Variants in FOXH1 observed in about 807,000 individuals in gnomAD.
The protein encoded by FOXH1 is forkhead box H1.
Under a neutral mutation model 14.2 loss-of-function variants are expected in FOXH1, and 10 were observed. The observed-to-expected ratio is 0.70, with a 90% CI of 0.43 to 1.19. The LOEUF (loss-of-function observed/expected upper bound fraction) is 1.19, where lower values mean the gene tolerates loss of function less well. Ranked by LOEUF, FOXH1 falls within the 50% of genes most tolerant of loss-of-function variation. The pLI is 0.00. For synonymous variants in FOXH1, 273 were observed against 209.5 expected, an observed-to-expected ratio of 1.30 and a Z score of -2.62; for missense variants, 643 against 492.1, an observed-to-expected ratio of 1.31 and a Z score of -2.90.
At position 144,474,887 on chromosome 8, in the gene FOXH1, T is replaced by C; in HGVS notation, c.449A>G (p.His150Arg). Residue 150 changes from histidine to arginine, a missense_variant, in exon 3 of 3, where the codon CAC becomes CGC. His to Arg is a conservative substitution (Grantham distance 29, BLOSUM62 0). Transcript: ENST00000377317. ...ACTGGGCGGCCGGTATGGCCGGCCG[T>C]GCAGCACGTAGGGGCCCAGGTCCTT... ...FAKDLGPYVL[H>R]GRPYRPPSPP... 1 of 1,610,702 alleles carries C rather than the reference T, an allele frequency of 6.2e-7. No homozygotes were observed. The highest frequency in any genetic ancestry group is 8.5e-7 in the Non-Finnish European group (1 of 1,179,660).
Position 144,473,745 on chromosome 8 carries a change from A to C in FOXH1, c.*493T>G. ...TCAGGCATGGCATTAAAACGTTGCA[A>C]ATTCCTTTACTGTTATCCCCCCCAC... is the stretch of plus-strand genomic sequence containing the variant. On this transcript the variant is annotated 3_prime_UTR_variant, in exon 3 of 3. Transcript: ENST00000377317. 1 of 412,482 alleles carries C rather than the reference A, an allele frequency of 2.4e-6. No individual in the cohort carries two copies. The highest frequency in any genetic ancestry group is 4.3e-6 in the Non-Finnish European group (1 of 232,524). 25.6% of individuals were successfully genotyped at this position (412,482 alleles called of 1,614,324 possible). A position where few individuals can be genotyped will look rare whatever the true frequency, so the allele number is the denominator to read the frequency against.
chr8:144,475,632 A>G lies in FOXH1; in HGVS notation c.125T>C (p.Ile42Thr), dbSNP rs1825127156. 15 of 1,440,782 alleles carry G rather than the reference A, an allele frequency of 1.0e-5. No homozygotes were observed. The highest frequency in any genetic ancestry group is 1.4e-5 in the Non-Finnish European group (15 of 1,093,860). 89.2% of individuals were successfully genotyped at this position (1,440,782 alleles called of 1,614,324 possible). The change falls in exon 1 of 3, where the codon ATC becomes ACC. Residue 42 changes from isoleucine (I) to threonine (T), a missense_variant. Coordinates refer to ENST00000377317, the MANE Select transcript of FOXH1 (RefSeq NM_003923.3). ...DKPPYTYLAM[I>T]ALVIQAAPSR... ...GGGAGCGGCCTGAATCACCAAGGCG[A>G]TCATGGCCAAGTAGGTGTAGGGGGG...
Position 144,475,275 on chromosome 8 carries a change from GCGGC to G in FOXH1, c.175-18_175-15del. 6.2e-7 allele frequency: 1 copy of G among 1,606,326 alleles called. No individual in the cohort carries two copies. Among genetic ancestry groups the G allele is most frequent in the Admixed American group, 1.7e-5 (1 of 59,464 alleles). On this transcript the variant is annotated splice_polypyrimidine_tract_variant and intron_variant, in intron 1 of 2. Coordinates refer to ENST00000377317, the MANE Select transcript of FOXH1 (RefSeq NM_003923.3). ...CTGACGGATGATCTGAAACCGCCAG[GCGGC>G]CGGCCGGCGCCGTGAGCCCAGACGG...
At position 144,475,751 on chromosome 8, in the gene FOXH1, C is replaced by T. The variant is rs1213772350; in HGVS notation, c.6G>A (p.Gly2=). 2.1e-6 allele frequency: 3 copies of T among 1,408,012 alleles called. No homozygotes were observed. Among genetic ancestry groups the T allele is most frequent in the Non-Finnish European group, 2.8e-6 (3 of 1,080,228 alleles). 87.2% of individuals were successfully genotyped at this position (1,408,012 alleles called of 1,614,324 possible). A position where few individuals can be genotyped will look rare whatever the true frequency, so the allele number is the denominator to read the frequency against. M[G]PCSGSRLGPP... ...GCCCCAGGCGGGAGCCGCTGCAGGG[C>T]CCCATGCGGGACGGTAGACAGCGTG... The change falls in exon 1 of 3, where the codon GGG becomes GGA. Residue 2 remains glycine (G), a synonymous_variant. Coordinates refer to ENST00000377317, the MANE Select transcript of FOXH1 (RefSeq NM_003923.3).
At position 144,474,979 on chromosome 8, in the gene FOXH1, C is replaced by G. The variant is rs1216073688; in HGVS notation, c.357G>C (p.Ala119=). 1.2e-6 allele frequency: 2 copies of G among 1,607,464 alleles called. No individual in the cohort carries two copies. Among genetic ancestry groups the G allele is most frequent in the East Asian group, 2.2e-5 (1 of 44,618 alleles). Residue 119 remains alanine, a synonymous_variant, in exon 3 of 3, where the codon GCG becomes GCC. Transcript: ENST00000377317. ...ACAGGGCGGTGTTCTGCAGCCGGAG[C>G]GCCTCAGCTGGGATCAGGCTCACGT... The part of the protein sequence containing the change: ...AVDVSLIPAE[A]LRLQNTALCR...
Position 144,473,981 on chromosome 8 carries a change from A to C in FOXH1, c.*257T>G, listed in dbSNP as rs1315026924. ...TGAGAAGAGGGGACTAGGAAGGGCT[A>C]TTCCAGGCTCAGCCCTGCTCCTGCA... On this transcript the variant is annotated 3_prime_UTR_variant, in exon 3 of 3. Coordinates refer to ENST00000377317, the MANE Select transcript of FOXH1 (RefSeq NM_003923.3). 6 of 543,888 alleles carry C rather than the reference A, an allele frequency of 1.1e-5. No individual in the cohort carries two copies. Among genetic ancestry groups the C allele is most frequent in the Non-Finnish European group, 2.0e-5 (6 of 307,048 alleles). The allele number at this position is 543,888 out of a possible 1,614,324, so 33.7% of individuals were successfully genotyped here.
Position 144,475,702 on chromosome 8 carries a change from G to C in FOXH1, c.55C>G (p.Gln19Glu). ...CTCTTCTTCCTCCTCTTAGGGGGCT[G>C]GGAGGGCGACTCTGCCTCTGGGGGC... Reference protein sequence around the residue: ...LGPPEAESPSQPPKRRKKRYL... With the variant: ...LGPPEAESPSEPPKRRKKRYL... Residue 19 changes from glutamine to glutamate, a missense_variant, in exon 1 of 3, where the codon CAG becomes GAG. Physicochemically the swap from Gln to Glu is conservative, Grantham distance 29. Transcript: ENST00000377317. 7.0e-7 allele frequency: 1 copy of C among 1,423,720 alleles called. No individual in the cohort carries two copies. Among genetic ancestry groups the C allele is most frequent in the Non-Finnish European group, 9.2e-7 (1 of 1,087,814 alleles). The allele number at this position is 1,423,720 out of a possible 1,614,324, so 88.2% of individuals were successfully genotyped here.
rs772406102 is a variant in FOXH1, at chr8:144,474,253, G to A, written c.1083C>T (p.Ser361=). Reference sequence around the variant, plus strand: ...CTTAAGAGCCTCACAGGCTGCACCAGGAGAGCAGCCAGCCTGGGCCAGGGG... The same window carrying A: ...CTTAAGAGCCTCACAGGCTGCACCAAGAGAGCAGCCAGCCTGGGCCAGGGG... ...LAAPGPGWLL[S]WCSL is the part of the protein sequence containing the mutation. Residue 361 remains serine (S), a synonymous_variant, in exon 3 of 3, where the codon TCC becomes TCT. Transcript: ENST00000377317. The A allele has an allele frequency of 3.0e-5, 48 of 1,582,624 alleles. No homozygotes were observed. Among genetic ancestry groups the A allele is most frequent in the Non-Finnish European group, 3.6e-5 (42 of 1,163,698 alleles).
chr8:144,473,967 G>T lies in FOXH1; in HGVS notation c.*271C>A. On this transcript the variant is annotated 3_prime_UTR_variant, in exon 3 of 3. Coordinates refer to ENST00000377317, the MANE Select transcript of FOXH1 (RefSeq NM_003923.3). ...GATGGGTAGTGGGCTGAGAAGAGGG[G>T]ACTAGGAAGGGCTATTCCAGGCTCA... 3.8e-6 allele frequency: 2 copies of T among 527,534 alleles called. No individual in the cohort carries two copies. Among genetic ancestry groups the T allele is most frequent in the Non-Finnish European group, 6.7e-6 (2 of 298,010 alleles). 32.7% of individuals were successfully genotyped at this position (527,534 alleles called of 1,614,324 possible). A position where few individuals can be genotyped will look rare whatever the true frequency, so the allele number is the denominator to read the frequency against.
rs750671638 is a variant in FOXH1, at chr8:144,475,147, C to T, written c.279+10G>A. ...CTCCGCCCCCGGGCTCCGACCCTGG[C>T]CTGCCCCACCTTGCGGAAGCATCGG... On this transcript the variant is annotated intron_variant, in intron 2 of 2. Transcript: ENST00000377317. 7 of 1,612,496 alleles carry T rather than the reference C, an allele frequency of 4.3e-6. No homozygotes were observed. Among genetic ancestry groups the T allele is most frequent in the Non-Finnish European group, 4.2e-6 (5 of 1,179,498 alleles).
chr8:144,475,570 G>T lies in FOXH1; in HGVS notation c.174+13C>A. The T allele has an allele frequency of 6.9e-7, 1 of 1,446,702 alleles. No individual in the cohort carries two copies. Among genetic ancestry groups the T allele is most frequent in the Non-Finnish European group, 9.1e-7 (1 of 1,096,012 alleles). 89.6% of individuals were successfully genotyped at this position (1,446,702 alleles called of 1,614,324 possible). ...TCTGGGGAAAGAGAGAGTGGGGGCC[G>T]GGGCCCGCTCACCTGGGCCAGCTTC... On this transcript the variant is annotated intron_variant, in intron 1 of 2. Coordinates refer to ENST00000377317, the MANE Select transcript of FOXH1 (RefSeq NM_003923.3).
Position 144,474,734 on chromosome 8 carries a change from T to A in FOXH1, c.602A>T (p.Glu201Val). ...AAGGGGTGGGGTGGGCACCGCCTCC[T>A]CCCCACTGTTCCCTGTGCCTGCAGG... Reference protein sequence around the residue: ...PVPAGTGNSGEEAVPTPPLPS... With the variant: ...PVPAGTGNSGVEAVPTPPLPS... The change falls in exon 3 of 3, where the codon GAG becomes GTG. Residue 201 changes from glutamate to valine, a missense_variant. Transcript: ENST00000377317. The A allele has an allele frequency of 6.4e-7, 1 of 1,555,176 alleles. No homozygotes were observed. The highest frequency in any genetic ancestry group is 8.7e-7 in the Non-Finnish European group (1 of 1,148,470).
Position 144,474,534 on chromosome 8 carries a change from C to T in FOXH1, c.802G>A (p.Gly268Arg). The T allele has an allele frequency of 6.2e-7, 1 of 1,611,040 alleles. No homozygotes were observed. Among genetic ancestry groups the T allele is most frequent in the Non-Finnish European group, 8.5e-7 (1 of 1,179,940 alleles). Residue 268 changes from glycine (G) to arginine (R), a missense_variant, in exon 3 of 3, where the codon GGA (glycine) becomes AGA (arginine). Physicochemically the swap from Gly to Arg is moderately radical, Grantham distance 125. Transcript: ENST00000377317. Reference sequence around the variant, plus strand: ...TGCCCCCAGAGGGAGGCCCTGTGTCCCCCGCTGGACCGTCCCCCAGGAACT... The same window carrying T: ...TGCCCCCAGAGGGAGGCCCTGTGTCTCCCGCTGGACCGTCCCCCAGGAACT... ...TAVPGGRSSG[G>R]HRASLWGQLP...
At position 144,474,305 on chromosome 8, in the gene FOXH1, C is replaced by T; in HGVS notation, c.1031G>A (p.Trp344Ter). The T allele has an allele frequency of 6.2e-7, 1 of 1,610,070 alleles. No homozygotes were observed. Among genetic ancestry groups the T allele is most frequent in the Non-Finnish European group, 8.5e-7 (1 of 1,177,952 alleles). Residue 344 changes from tryptophan (W) to a stop codon, truncating the protein, a stop_gained, in exon 3 of 3, where the codon TGG (tryptophan) becomes TAG (stop). Coordinates refer to ENST00000377317, the MANE Select transcript of FOXH1 (RefSeq NM_003923.3). LOFTEE classifies it high-confidence loss of function. ...CGCCAGGTCCCGAGGGTGGCTGACC[C>T]AAACGTCGTAGATGCTTTTGTTGGG... ...VPPNKSIYDV[W>*]VSHPRDLAAP...
At position 144,474,424 on chromosome 8, in the gene FOXH1, C is replaced by A. The variant is rs141411287; in HGVS notation, c.912G>T (p.Pro304=). The change falls in exon 3 of 3, where the codon CCG becomes CCT. Residue 304 remains proline (P), a synonymous_variant. Coordinates refer to ENST00000377317, the MANE Select transcript of FOXH1 (RefSeq NM_003923.3). ...APPPTSCPQC[P]STSPAYWGVA... ...CCCCCCAGTAGGCAGGGCTGGTTGA[C>A]GGACACTGGGGACAGGAGGTGGGTG... 63 of 1,613,226 alleles carry A rather than the reference C, an allele frequency of 3.9e-5. No homozygotes were observed. The African/African-American group carries it at 7.3e-4, about 19-fold the overall frequency.
rs1203004986 is a variant in FOXH1, at chr8:144,474,571, C to T, written c.765G>A (p.Leu255=). Residue 255 remains leucine, a synonymous_variant, in exon 3 of 3, where the codon CTG becomes CTA. Coordinates refer to ENST00000377317, the MANE Select transcript of FOXH1 (RefSeq NM_003923.3). Reference sequence around the variant, plus strand: ...GTCCCCCAGGAACTGCGGTGCCCTGCAGTAAGTGGAGAGGCCAGGCCCTAG... The same window carrying T: ...GTCCCCCAGGAACTGCGGTGCCCTGTAGTAAGTGGAGAGGCCAGGCCCTAG... ...PEPRAWPLHL[L]QGTAVPGGRS... The T allele has an allele frequency of 1.2e-6, 2 of 1,610,492 alleles. No individual in the cohort carries two copies. Among genetic ancestry groups the T allele is most frequent in the Non-Finnish European group, 1.7e-6 (2 of 1,179,678 alleles).
Position 144,474,958 on chromosome 8 carries a change from G to A in FOXH1, c.378C>T (p.Ala126=). The A allele has an allele frequency of 2.5e-6, 4 of 1,607,980 alleles. No homozygotes were observed. Among genetic ancestry groups the A allele is most frequent in the Non-Finnish European group, 2.5e-6 (3 of 1,178,634 alleles). ...CTCCGTTCTGCCAGCGCCGGCACAG[G>A]GCGGTGTTCTGCAGCCGGAGCGCCT... ...PAEALRLQNT[A]LCRRWQNGGA... is the part of the protein sequence containing the mutation. The change falls in exon 3 of 3, where the codon GCC becomes GCT. Residue 126 remains alanine (A), a synonymous_variant. Transcript: ENST00000377317.
chr8:144,474,014 C>T lies in FOXH1; in HGVS notation c.*224G>A, dbSNP rs912468825. The T allele has an allele frequency of 5.3e-5, 30 of 570,626 alleles. No homozygotes were observed. The highest frequency in any genetic ancestry group is 2.6e-4 in the African/African-American group (14 of 53,516). 35.3% of individuals were successfully genotyped at this position (570,626 alleles called of 1,614,324 possible). ...CTCAGCCCTGCTCCTGCAGCTTTGC[C>T]GCTGAGTGTAGGAAAAACAGGCATG... On this transcript the variant is annotated 3_prime_UTR_variant, in exon 3 of 3. Coordinates refer to ENST00000377317, the MANE Select transcript of FOXH1 (RefSeq NM_003923.3).
In FOXH1 at chr8:144,474,114, C is replaced by T. The variant is rs1370978080; in HGVS notation, c.*124G>A. 1.6e-5 allele frequency: 12 copies of T among 757,564 alleles called. No individual in the cohort carries two copies. Among genetic ancestry groups the T allele is most frequent in the Admixed American group, 8.8e-5 (3 of 34,166 alleles). 46.9% of individuals were successfully genotyped at this position (757,564 alleles called of 1,614,324 possible). On this transcript the variant is annotated 3_prime_UTR_variant, in exon 3 of 3. Coordinates refer to ENST00000377317, the MANE Select transcript of FOXH1 (RefSeq NM_003923.3). ...GTGGCCCAATAAACACCGTGGACTC[C>T]CAGCAAGGCTGCTGCCTGGTGTTTC...
Sources: gnomAD v4.1 joint callset for allele counts on GRCh38, gnomAD v4.1.1 for gene constraint, MANE v1.5 for transcripts, NCBI Gene and HGNC (gene_info 2026-07-23, HGNC 2026-07-21) for gene names.